Variants in STK33 observed in about 807,000 individuals in gnomAD.
STK33 encodes the protein serine/threonine kinase 33, also known as serine/threonine-protein kinase 33.
STK33 carries 52 observed loss-of-function variants against 58.0 expected under a neutral mutation model. The observed-to-expected ratio is 0.90, with a 90% CI of 0.72 to 1.13. STK33 has a LOEUF of 1.13. STK33 is among the 50% of genes most tolerant of loss of function. The pLI is 0.00. For synonymous variants in STK33, 215 were observed against 200.1 expected, an observed-to-expected ratio of 1.07 and a Z score of -0.63; for missense variants, 630 against 604.2, an observed-to-expected ratio of 1.04 and a Z score of -0.45.
chr11:8,582,346 T>C (rs181850944), intron 1 of STK33, among the ~76,000 whole-genome samples: 43 of 152,366 alleles, frequency 2.8e-4, no homozygotes, highest in African/African-American at 9.6e-4. Flanking sequence ...TAGTCTGTTT[T>C]CATACGGCTA....
chr11:8,440,406 G>A (rs1944590059), intron 12 of STK33, among the ~76,000 whole-genome samples: 4 of 152,010 alleles, frequency 2.6e-5, no homozygotes, highest in Admixed American at 2.6e-4. Context: ...GGATACGGAA[G>A]GTGTTAAGAT....
At chr11:8,565,247 G>T (rs1299603764) in intron 1 of STK33, among the ~76,000 whole-genome samples, 1 of 152,182 alleles carries the variant, frequency 6.6e-6, no homozygotes, top group Non-Finnish European at 1.5e-5. Flanking sequence ...TTTTCACCAT[G>T]ATTTATAGTC....
chr11:8,477,505 A>G (rs1037703662), intron 2 of STK33, among the ~76,000 whole-genome samples: 3 of 152,172 alleles, frequency 2.0e-5, no homozygotes, highest in African/African-American at 4.8e-5. Flanking sequence ...AATTGTAAGA[A>G]GTATTCGTAA....
chr11:8,590,294 C>T (rs189147710), intron 1 of STK33, among the ~76,000 whole-genome samples: 2 of 152,266 alleles, frequency 1.3e-5, no homozygotes, highest in Admixed American at 1.3e-4. Flanking sequence ...AAACTTTTTA[C>T]ACATACACTA....
At chr11:8,537,740 G>A (rs1171432407) in intron 1 of STK33, among the ~76,000 whole-genome samples, 10 of 151,426 alleles carry the variant, frequency 6.6e-5, no homozygotes, top group African/African-American at 2.4e-4. Flanking sequence ...AACCAGGGAG[G>A]TGGAGGTTGC....
chr11:8,552,894 T>C (rs893314113), intron 1 of STK33, among the ~76,000 whole-genome samples: 2 of 151,758 alleles, frequency 1.3e-5, no homozygotes, highest in African/African-American at 4.8e-5. Context: ...CTCATGTCTA[T>C]AATCCCAACA....
At chr11:8,397,867 GA>G (rs1849644948) in intron 15 of STK33, among the ~76,000 whole-genome samples, 1 of 152,134 alleles carries the variant, frequency 6.6e-6, no homozygotes, top group Non-Finnish European at 1.5e-5. Flanking sequence ...ATCAGTGATG[GA>G]AGACCAAATG....
chr11:8,340,911 T>G, the STK33 span, among the ~76,000 whole-genome samples: 1 of 152,138 alleles, frequency 6.6e-6, no homozygotes, highest in African/African-American at 2.4e-5. Context: ...CAGGCTGGAG[T>G]GTAGTGGTGT....
At chr11:8,550,094 A>AAAAGT (rs1486517514) in intron 1 of STK33, among the ~76,000 whole-genome samples, 1 of 152,244 alleles carries the variant, frequency 6.6e-6, no homozygotes, top group African/African-American at 2.4e-5. Context: ...CATCTTCTGC[A>AAAAGT]AAAGTTTTAT....
At chr11:8,566,579 C>A (rs1023254804) in intron 1 of STK33, among the ~76,000 whole-genome samples, 4 of 152,202 alleles carry the variant, frequency 2.6e-5, no homozygotes, top group Non-Finnish European at 5.9e-5. Context: ...GATATCTTGA[C>A]TAAATTCTGC....
chr11:8,468,295 C>T (rs1271449759), intron 6 of STK33, among the ~76,000 whole-genome samples: 1 of 152,170 alleles, frequency 6.6e-6, no homozygotes, highest in African/African-American at 2.4e-5. Flanking sequence ...CAATCATCTC[C>T]CATAGGGTCC....
At chr11:8,588,351 G>A (rs1263188768) in intron 1 of STK33, among the ~76,000 whole-genome samples, 1 of 152,136 alleles carries the variant, frequency 6.6e-6, no homozygotes, top group African/African-American at 2.4e-5. Flanking sequence ...GTGTAGGATG[G>A]TGGCATGTAA....
Position 8,553,184 on chromosome 11 carries a change from A to G in STK33, c.-466+40899T>C, listed in dbSNP as rs914737738. Among the ~76,000 whole-genome samples, 33 of 76,130 alleles carry G rather than the reference A, an allele frequency of 4.3e-4. No individual in the cohort carries two copies. In the East Asian group the frequency reaches 9.0e-3, roughly 21 times the overall value. The allele number at this position is 76,130 out of a possible 152,430, so 49.9% of individuals were successfully genotyped here. On this transcript the variant is annotated intron_variant, in intron 1 of 15. Coordinates refer to ENST00000687296, the MANE Select transcript of STK33 (RefSeq NM_001352389.2). ...AAAAATAAAATATATATATATATAT[A>G]TATATATATATATGGTGTATATATA...
At chr11:8,554,332 T>C (rs947163512) in intron 1 of STK33, among the ~76,000 whole-genome samples, 2 of 148,624 alleles carry the variant, frequency 1.3e-5, no homozygotes, top group African/African-American at 5.0e-5. Context: ...GGCAGGAGAA[T>C]CGCTTGAATC....
chr11:8,408,924 A>T (rs577130659), intron 15 of STK33, among the ~76,000 whole-genome samples: 1 of 152,344 alleles, frequency 6.6e-6, no homozygotes, highest in African/African-American at 2.4e-5. Flanking sequence ...ATGGAAGCCC[A>T]TTGGAGACTC....
intron 14 of STK33, among the ~76,000 whole-genome samples, chr11:8,415,614 G>A (rs1941003300): frequency 6.6e-6 from 1 of 152,094 alleles, no homozygotes; most frequent in Admixed American, 6.5e-5. Context: ...AGAGCACTGA[G>A]ATTTGGGTGT....
At chr11:8,416,103 C>G (rs1941080832) in intron 14 of STK33, among the ~76,000 whole-genome samples, 1 of 152,126 alleles carries the variant, frequency 6.6e-6, no homozygotes, top group Non-Finnish European at 1.5e-5. Context: ...TGTGTTGCCT[C>G]CTTTTCTCCC....
At chr11:8,439,874 T>C (rs1944519885) in intron 12 of STK33, among the ~76,000 whole-genome samples, 1 of 140,432 alleles carries the variant, frequency 7.1e-6, no homozygotes, top group African/African-American at 2.6e-5. Flanking sequence ...TATAATTATA[T>C]ATATATATAT....
chr11:8,403,682 C>T (rs1030176640), intron 15 of STK33, among the ~76,000 whole-genome samples: 3 of 152,170 alleles, frequency 2.0e-5, no homozygotes, highest in African/African-American at 7.2e-5. Context: ...TCCAGTTTCA[C>T]CTTTTTGTAA....
Sources: allele counts gnomAD v4.1 joint callset (sites outside exome capture counted in the v4.1 genomes callset), GRCh38; gene constraint gnomAD v4.1.1; transcripts MANE v1.5; gene names NCBI Gene and HGNC (gene_info 2026-07-23, HGNC 2026-07-21).